Variants in HDAC9 observed in about 807,000 individuals in gnomAD.
HDAC9 encodes MEF-2 interacting transcription repressor (MITR) protein.
A neutral mutation model predicts 139.4 loss-of-function variants in HDAC9; 41 were observed. The ratio of observed to expected loss-of-function variants is 0.29; its 90% confidence interval spans 0.23 to 0.38. The LOEUF (loss-of-function observed/expected upper bound fraction) is 0.38, where lower values mean the gene tolerates loss of function less well. HDAC9 is among the 10% of genes least tolerant of loss of function. HDAC9 has a pLI of 1.00. For missense variants in HDAC9, 1,147 were observed against 1,297.0 expected, an observed-to-expected ratio of 0.88 and a Z score of 1.78; for synonymous variants, 517 against 476.2, an observed-to-expected ratio of 1.09 and a Z score of -1.12.
chr7:18,932,316 T>C (rs1804817184), intron 22 of HDAC9, among the ~76,000 whole-genome samples: 1 of 152,214 alleles, frequency 6.6e-6, no homozygotes, highest in South Asian at 2.1e-4. Flanking sequence ...GATGCCATGA[T>C]AATTTTTTCT....
chr7:18,324,913 T>C (rs544196325), intron 1 of HDAC9, among the ~76,000 whole-genome samples: 3 of 152,214 alleles, frequency 2.0e-5, no homozygotes, highest in East Asian at 3.9e-4. Context: ...CAGTTGAAAA[T>C]AGTATAAAGT....
chr7:18,205,110 A>AT lies in HDAC9; in HGVS notation c.25+42768dup, dbSNP rs34786295. 7.1e-3 allele frequency among the ~76,000 whole-genome samples: 1,073 copies of AT among 151,882 alleles called. 13 individuals are homozygous for AT. Among genetic ancestry groups the AT allele is most frequent in the African/African-American group, 0.024 (1,015 of 41,476 alleles). On this transcript the variant is annotated intron_variant, in intron 2 of 12. Coordinates refer to the HDAC9 transcript ENST00000417496. ...TAGTATATGGCATACATTTTGATCC[A>AT]TTTTTTTCCTCAAATTACTAGCCAG...
At chr7:18,382,532 C>T (rs1356113291) in intron 1 of HDAC9, among the ~76,000 whole-genome samples, 1 of 152,222 alleles carries the variant, frequency 6.6e-6, no homozygotes, top group Non-Finnish European at 1.5e-5. Context: ...TCAAACTGTG[C>T]ACAGGACAGG....
At chr7:18,557,462 T>G (rs1368150239) in intron 2 of HDAC9, among the ~76,000 whole-genome samples, 2 of 151,170 alleles carry the variant, frequency 1.3e-5, no homozygotes, top group Non-Finnish European at 1.5e-5. Context: ...TTCTTTATTT[T>G]AGTTATGTTA....
intron 21 of HDAC9, among the ~76,000 whole-genome samples, chr7:18,838,555 G>A (rs559973655): frequency 8.5e-5 from 13 of 152,134 alleles, no homozygotes; most frequent in African/African-American, 3.1e-4. Context: ...TCTTATGCAG[G>A]CAAAGGATAG....
chr7:18,748,543 A>G (rs1411318175), intron 13 of HDAC9, among the ~76,000 whole-genome samples: 1 of 152,180 alleles, frequency 6.6e-6, no homozygotes, highest in Admixed American at 6.5e-5. Flanking sequence ...TATTACAAAA[A>G]TGAAACCTTG....
At chr7:18,781,226 G>C (rs149208871) in intron 16 of HDAC9, among the ~76,000 whole-genome samples, 30 of 152,058 alleles carry the variant, frequency 2.0e-4, no homozygotes, top group African/African-American at 6.7e-4. Flanking sequence ...ATTGATTGCT[G>C]AATACAGTCC....
At chr7:18,092,412 TAA>T (rs67749571) in intron 1 of HDAC9, among the ~76,000 whole-genome samples, 1,278 of 117,460 alleles carry the variant, frequency 0.011, 17 homozygotes, top group African/African-American at 0.03. Flanking sequence ...TTTTTTTTTT[TAA>T]AAAAAAGAAC....
intron 2 of HDAC9, among the ~76,000 whole-genome samples, chr7:18,171,680 C>A (rs996545585): frequency 6.6e-6 from 1 of 152,102 alleles, no homozygotes; most frequent in Admixed American, 6.5e-5. Context: ...TGTCTAAGGC[C>A]TTTTCTGCAT....
Position 18,166,715 on chromosome 7 carries a change from CT to C in HDAC9, c.25+4367del, listed in dbSNP as rs571131490. ...CATATGGGACCCAGAAGGCCTGCCC[CT>C]GTTTTTAAAATTTACGAACTCTTTA... On this transcript the variant is annotated intron_variant, in intron 2 of 12. Transcript: ENST00000417496. 5.9e-5 allele frequency among the ~76,000 whole-genome samples: 9 copies of C among 152,234 alleles called. No individual in the cohort carries two copies. The South Asian group carries it at 1.7e-3, about 28-fold the overall frequency.
chr7:18,399,109 C>A (rs1787310493), intron 1 of HDAC9, among the ~76,000 whole-genome samples: 2 of 152,110 alleles, frequency 1.3e-5, no homozygotes, highest in Admixed American at 6.6e-5. Context: ...AAGCAAGCAA[C>A]CCTTATAAAA....
intron 6 of HDAC9, among the ~76,000 whole-genome samples, chr7:18,601,971 G>T (rs1159112223): frequency 6.6e-6 from 1 of 152,154 alleles, no homozygotes; most frequent in Non-Finnish European, 1.5e-5. Context: ...GTATGGTAAT[G>T]CTGTCCTCAT....
chr7:18,988,198 T>C (rs988004567), intron 25 of HDAC9, among the ~76,000 whole-genome samples: 2 of 152,226 alleles, frequency 1.3e-5, no homozygotes, highest in Admixed American at 6.5e-5. Flanking sequence ...TTGTGGGCAT[T>C]TAGTGCTGTA....
chr7:18,426,432 G>T (rs1790121972), intron 1 of HDAC9, among the ~76,000 whole-genome samples: 1 of 152,146 alleles, frequency 6.6e-6, no homozygotes, highest in Non-Finnish European at 1.5e-5. Flanking sequence ...ATATTAAATA[G>T]CAGCTTTTAT....
chr7:18,435,927 GAGAA>G (rs1450779396), intron 1 of HDAC9, among the ~76,000 whole-genome samples: 4 of 148,060 alleles, frequency 2.7e-5, no homozygotes, highest in Admixed American at 6.8e-5. Context: ...TAAAGAGAGA[GAGAA>G]AGAACTGGAA....
intron 7 of HDAC9, among the ~76,000 whole-genome samples, chr7:18,634,263 G>C (rs1407319399): frequency 6.6e-6 from 1 of 151,592 alleles, no homozygotes; most frequent in Admixed American, 6.6e-5. Flanking sequence ...ATGTGCACAA[G>C]TTCATTGTCT....
chr7:18,886,716 T>G (rs1018364654), intron 22 of HDAC9, among the ~76,000 whole-genome samples: 4 of 152,176 alleles, frequency 2.6e-5, no homozygotes, highest in Non-Finnish European at 5.9e-5. Flanking sequence ...TTTACAGACT[T>G]CCAGTGACTG....
At chr7:18,227,873 A>G (rs1793171692) in intron 2 of HDAC9, among the ~76,000 whole-genome samples, 1 of 152,126 alleles carries the variant, frequency 6.6e-6, no homozygotes, top group African/African-American at 2.4e-5. Context: ...CGGATGAATT[A>G]TACTCTTTGA....
At position 18,135,306 on chromosome 7, in the gene HDAC9, C is replaced by CT. The variant is rs1268418452; in HGVS notation, c.-96-26915dup. On this transcript the variant is annotated intron_variant, in intron 1 of 12. Transcript: ENST00000417496. ...GTATTTACCATATTCTTTTTTTTTT[C>CT]TTTTTTTTATTATACTTTAAGTTTT... Among the ~76,000 whole-genome samples the CT allele has an allele frequency of 2.4e-3, 204 of 85,316 alleles. 1 individual carries two copies. The highest frequency in any genetic ancestry group is 3.8e-3 in the African/African-American group (87 of 22,632). The allele number at this position is 85,316 out of a possible 152,430, so 56.0% of individuals were successfully genotyped here.
Sources: gnomAD v4.1 joint callset for allele counts (sites outside exome capture counted in the v4.1 genomes callset) on GRCh38, gnomAD v4.1.1 for gene constraint, MANE v1.5 for transcripts, NCBI Gene and HGNC (gene_info 2026-07-23, HGNC 2026-07-21) for gene names.